The following MUC4 variants were observed in gnomAD, a reference collection of about 807,000 sequenced individuals.
MUC4 encodes the protein mucin 4, cell surface associated, also known as mucin-4.
In MUC4, 202 loss-of-function variants were observed where a neutral mutation model predicts 257.9. The observed-to-expected ratio is 0.78, with a 90% confidence interval of 0.70 to 0.88. MUC4 has a LOEUF of 0.88. Among genes scored for constraint, MUC4 ranks in the 40% least tolerant of loss-of-function variants. The probability of loss-of-function intolerance (pLI) is 0.00; values close to 1 mark genes in which losing one functional copy is unlikely to be tolerated. For synonymous variants in MUC4, 2,351 were observed against 2,757.1 expected, an observed-to-expected ratio of 0.85 and a Z score of 4.62; for missense variants, 5,976 against 6,513.7, an observed-to-expected ratio of 0.92 and a Z score of 2.84.
At chr3:195,754,931 TC>T (rs561352323) in intron 18 of MUC4, among the ~76,000 whole-genome samples, 10,577 of 148,958 alleles carry the variant, frequency 0.071, 1,258 homozygotes, top group African/African-American at 0.25. Flanking sequence ...TATGCATGTA[TC>T]CATGTATGTA....
At chr3:195,807,541 C>T (rs1221782066) in intron 1 of MUC4, among the ~76,000 whole-genome samples, 1 of 152,102 alleles carries the variant, frequency 6.6e-6, no homozygotes, top group Non-Finnish European at 1.5e-5. Context: ...AAGAAATCGT[C>T]GATGAGGTGC....
intron 6 of MUC4, chr3:195,769,697 G>C (rs1029173148): frequency 6.2e-6 from 1 of 161,076 alleles, no homozygotes; most frequent in Non-Finnish European, 1.4e-5. Flanking sequence ...ACAAGAGCGG[G>C]GTCCTCGGAG....
Position 195,781,461 on chromosome 3 carries a change from GTCACC to G in MUC4, c.10114_10118del (p.Gly3372HisfsTer32). ...TGTCGGTGACAGGAAGACGGGTGGT[GTCACC>G]TGTGGAAGCTGAGGAAAGGCCGGTG... is the stretch of plus-strand genomic sequence containing the variant. On this transcript the variant is annotated frameshift_variant, in exon 2 of 25. Coordinates refer to ENST00000463781, the MANE Select transcript of MUC4 (RefSeq NM_018406.7). LOFTEE classifies it high-confidence loss of function. 6.5e-7 allele frequency: 1 copy of G among 1,540,010 alleles called. No individual in the cohort carries two copies. Among genetic ancestry groups the G allele is most frequent in the Non-Finnish European group, 8.8e-7 (1 of 1,142,714 alleles).
intron 1 of MUC4, among the ~76,000 whole-genome samples, chr3:195,798,934 G>T (rs1452084352): frequency 1.3e-5 from 2 of 152,044 alleles, no homozygotes; most frequent in African/African-American, 4.8e-5. Context: ...GGAGAGCTCA[G>T]CTCCATAGTA....
chr3:195,794,687 A>G (rs927105424), intron 1 of MUC4, among the ~76,000 whole-genome samples: 1 of 152,010 alleles, frequency 6.6e-6, no homozygotes, highest in Non-Finnish European at 1.5e-5. Flanking sequence ...GTGCTCCTAG[A>G]TAGTTGGCAA....
At chr3:195,760,606 AG>A (rs1325179586) in intron 16 of MUC4, among the ~76,000 whole-genome samples, 4,536 of 32,904 alleles carry the variant, frequency 0.14, 544 homozygotes, top group African/African-American at 0.34. Context: ...TATGGAGTGA[AG>A]GGGGCTGGGA....
chr3:195,788,335 G>T lies in MUC4; in HGVS notation c.3245C>A (p.Ser1082Tyr), dbSNP rs1358565731. ...PLPVTSLSSA[S>Y]TGDTTPLPVT... ...AGGAAGAGGGGTGGTGTCACCTGTG[G>T]ATGCTGAGGAAAGGCTGGTGACAGG... The change falls in exon 2 of 25, where the codon TCC becomes TAC. Residue 1082 changes from serine to tyrosine, a missense_variant. Transcript: ENST00000463781. 1.3e-6 allele frequency: 2 copies of T among 1,548,426 alleles called. No homozygotes were observed. The highest frequency in any genetic ancestry group is 1.7e-6 in the Non-Finnish European group (2 of 1,146,128).
rs775397837 is a variant in MUC4 at position 195,780,269 on chromosome 3, T to C, written c.11311A>G (p.Thr3771Ala). 1.3e-6 allele frequency: 2 copies of C among 1,527,528 alleles called. No individual in the cohort carries two copies. Among genetic ancestry groups the C allele is most frequent in the Non-Finnish European group, 1.8e-6 (2 of 1,129,910 alleles). The allele number at this position is 1,527,528 out of a possible 1,614,324, so 94.6% of individuals were successfully genotyped here. A position where few individuals can be genotyped will look rare whatever the true frequency, so the allele number is the denominator to read the frequency against. The change falls in exon 2 of 25, where the codon ACA (threonine) becomes GCA (alanine). Residue 3771 changes from threonine (T) to alanine (A), a missense_variant. Thr to Ala is a moderately conservative substitution (Grantham distance 58). Around this residue, in one of 44 missense-constraint regions of MUC4, gnomAD observed 330 missense variants for 262.0 expected, o/e 1.26. Coordinates refer to ENST00000463781, the MANE Select transcript of MUC4 (RefSeq NM_018406.7). The part of the protein sequence containing the change: ...LLVTDASSVS[T>A]GHATPLPVTD... ...ACAGGAAGAGGCGTGGCGTGACCTG[T>C]GGACACTGAGGAAGCGTCGGTGACA...
chr3:195,778,658 C>A (rs1268346217), intron 2 of MUC4, 132 bp downstream of exon 2: 11 of 1,278,096 alleles, frequency 8.6e-6, no homozygotes, highest in South Asian at 3.0e-5. Context: ...ACACCCATCA[C>A]CTCCTCCCCT....
rs1226893055 is a variant in MUC4 at position 195,787,298 on chromosome 3, T to G, written c.4282A>C (p.Thr1428Pro). The G allele has an allele frequency of 9.6e-6, 5 of 520,082 alleles. No homozygotes were observed. The highest frequency in any genetic ancestry group is 7.8e-5 in the South Asian group (4 of 51,480). 32.2% of individuals were successfully genotyped at this position (520,082 alleles called of 1,614,324 possible). The change falls in exon 2 of 25, where the codon ACC (threonine) becomes CCC (proline). Residue 1428 changes from threonine to proline, a missense_variant. Physicochemically the swap from Thr to Pro is conservative, Grantham distance 38 (BLOSUM62 -1). Coordinates refer to ENST00000463781, the MANE Select transcript of MUC4 (RefSeq NM_018406.7). ...STGHATPLPV[T>P]DASSVSTDHA... is the part of the protein sequence containing the mutation. ...TCTGTGGACACTGAGGAAGCGTCGGTGACAGGAAGAGGGGTGGCGTGTCCT... is the reference window on the plus strand; with the variant it reads ...TCTGTGGACACTGAGGAAGCGTCGGGGACAGGAAGAGGGGTGGCGTGTCCT...
Position 195,749,054 on chromosome 3 carries a change from G to A in MUC4, c.15882C>T (p.Ser5294=). Residue 5294 remains serine, a synonymous_variant, in exon 24 of 25, where the codon AGC becomes AGT. Coordinates refer to ENST00000463781, the MANE Select transcript of MUC4 (RefSeq NM_018406.7). ...DVRDVTALNV[S]TLKAYFRCDG... is the part of the protein sequence containing the mutation. Reference sequence around the variant, plus strand: ...CGCATCTGAAGTAAGCCTTCAGCGTGCTCACGTTCACTGTCGGGAAGGACA... The same window carrying A: ...CGCATCTGAAGTAAGCCTTCAGCGTACTCACGTTCACTGTCGGGAAGGACA... The A allele has an allele frequency of 1.2e-6, 2 of 1,606,992 alleles. No homozygotes were observed. The highest frequency in any genetic ancestry group is 1.3e-5 in the African/African-American group (1 of 74,796).
rs766417331 is a variant in MUC4 at position 195,788,760 on chromosome 3, T to G, written c.2820A>C (p.Pro940=). The G allele has an allele frequency of 6.2e-7, 1 of 1,613,428 alleles. No homozygotes were observed. Among genetic ancestry groups the G allele is most frequent in the Admixed American group, 1.7e-5 (1 of 59,966 alleles). Residue 940 remains proline, a synonymous_variant, in exon 2 of 25, where the codon CCA becomes CCC. Coordinates refer to ENST00000463781, the MANE Select transcript of MUC4 (RefSeq NM_018406.7). ...DTFSTVPPTP[P]SITSTGLTSP... Reference sequence around the variant, plus strand: ...ATGTAAGCCCAGTGGATGTGATCGATGGAGGTGTGGGTGGGACTGTTGAGA... The same window carrying G: ...ATGTAAGCCCAGTGGATGTGATCGAGGGAGGTGTGGGTGGGACTGTTGAGA...
chr3:195,778,006 C>A (rs897429683), intron 3 of MUC4, among the ~76,000 whole-genome samples: 4 of 152,256 alleles, frequency 2.6e-5, no homozygotes, highest in Non-Finnish European at 5.9e-5. Context: ...CCCGGCTCTG[C>A]ATTCCTTAGG....
At position 195,759,281 on chromosome 3, in the gene MUC4, TG is replaced by T. The variant is rs776188809; in HGVS notation, c.14849-21del. Reference sequence around the variant, plus strand: ...ACTGATCTGAAACACAAAGAGGGAATGGGGGTTCCGAGGCAGGACAGTCTCC... The same window carrying T: ...ACTGATCTGAAACACAAAGAGGGAATGGGGTTCCGAGGCAGGACAGTCTCC... On this transcript the variant is annotated intron_variant, in intron 16 of 24. Coordinates refer to ENST00000463781, the MANE Select transcript of MUC4 (RefSeq NM_018406.7). The T allele has an allele frequency of 1.2e-5, 20 of 1,612,532 alleles. No individual in the cohort carries two copies. The African/African-American group carries it at 2.5e-4, about 20-fold the overall frequency.
Position 195,787,016 on chromosome 3 carries a change from G to C in MUC4, c.4564C>G (p.Pro1522Ala), listed in dbSNP as rs1165300856. 6.8e-7 allele frequency: 1 copy of C among 1,475,534 alleles called. No homozygotes were observed. Among genetic ancestry groups the C allele is most frequent in the Non-Finnish European group, 9.1e-7 (1 of 1,101,326 alleles). The allele number at this position is 1,475,534 out of a possible 1,614,324, so 91.4% of individuals were successfully genotyped here. A position where few individuals can be genotyped will look rare whatever the true frequency, so the allele number is the denominator to read the frequency against. Residue 1522 changes from proline (P) to alanine (A), a missense_variant, in exon 2 of 25, where the codon CCT becomes GCT. Physicochemically the swap from Pro to Ala is conservative, Grantham distance 27 (BLOSUM62 -1). Transcript: ENST00000463781. ...SASTGHATPL[P>A]VTSLSSASTG... Reference sequence around the variant, plus strand: ...GATGCTGAGGAAAGGCTGGTGACAGGAAGAGGGGTGGCGTGACCTGTGGAT... The same window carrying C: ...GATGCTGAGGAAAGGCTGGTGACAGCAAGAGGGGTGGCGTGACCTGTGGAT...
At position 195,782,957 on chromosome 3, in the gene MUC4, TGGACAC is replaced by T; in HGVS notation, c.8617_8622del (p.Val2873_Ser2874del). On this transcript the variant is annotated inframe_deletion, in exon 2 of 25. Transcript: ENST00000463781. ...ACAGGAAGAGGGGTGGCATGACCTGTGGACACTGAGGAAGCGTCGGTGACAGGAAGA... is the reference window on the plus strand; with the variant it reads ...ACAGGAAGAGGGGTGGCATGACCTGTTGAGGAAGCGTCGGTGACAGGAAGA... 8.2e-7 allele frequency: 1 copy of T among 1,213,074 alleles called. No individual in the cohort carries two copies. The highest frequency in any genetic ancestry group is 1.9e-5 in the African/African-American group (1 of 51,914). 75.1% of individuals were successfully genotyped at this position (1,213,074 alleles called of 1,614,324 possible). A position where few individuals can be genotyped will look rare whatever the true frequency, so the allele number is the denominator to read the frequency against.
chr3:195,770,587 G>A (rs1722582929), intron 5 of MUC4: 5 of 598,196 alleles, frequency 8.4e-6, no homozygotes, highest in South Asian at 8.1e-5. Flanking sequence ...ATGCAGGGTC[G>A]TGGCCCAGAC....
At chr3:195,809,378 C>G (rs554877236) in intron 1 of MUC4, among the ~76,000 whole-genome samples, 4 of 152,170 alleles carry the variant, frequency 2.6e-5, no homozygotes, top group Non-Finnish European at 4.4e-5. Flanking sequence ...CCAAAAGGAA[C>G]GGGGCTGGCT....
rs1399540393 is a variant in MUC4 at position 195,785,744 on chromosome 3, A to T, written c.5836T>A (p.Ser1946Thr). 1 of 1,489,850 alleles carries T rather than the reference A, an allele frequency of 6.7e-7. No homozygotes were observed. Among genetic ancestry groups the T allele is most frequent in the South Asian group, 1.2e-5 (1 of 81,548 alleles). The allele number at this position is 1,489,850 out of a possible 1,614,324, so 92.3% of individuals were successfully genotyped here. The part of the protein sequence containing the change: ...PLPVTSPSSA[S>T]SGHTTPLPVT... ...GGAAGAGGGGTGGTGTGACCTGAGG[A>T]TGCTGAGGAAGGGCTAGTGACAGGA... Residue 1946 changes from serine to threonine, a missense_variant, in exon 2 of 25, where the codon TCC (serine) becomes ACC (threonine). By Grantham distance (58) the Ser-to-Thr change is moderately conservative. Transcript: ENST00000463781.
Sources: allele counts gnomAD v4.1 joint callset (sites outside exome capture counted in the v4.1 genomes callset), GRCh38; gene constraint gnomAD v4.1.1; regional missense constraint gnomAD v4.1.1; transcripts MANE v1.5; gene names NCBI Gene and HGNC (gene_info 2026-07-23, HGNC 2026-07-21).